Variants in ZNF274 observed in about 807,000 individuals in gnomAD.
ZNF274 encodes the protein neurotrophin receptor-interacting factor homolog.
A neutral mutation model predicts 42.5 loss-of-function variants in ZNF274; 23 were observed. That is an observed-to-expected ratio of 0.54 (90% CI 0.39 to 0.77). The LOEUF (loss-of-function observed/expected upper bound fraction) is 0.77. ZNF274 is among the 30% of genes least tolerant of loss of function. The probability of loss-of-function intolerance (pLI) is 0.00; values close to 1 mark genes in which losing one functional copy is unlikely to be tolerated. For missense variants in ZNF274, 679 were observed against 806.5 expected, an observed-to-expected ratio of 0.84 and a Z score of 1.91; for synonymous variants, 292 against 305.4, an observed-to-expected ratio of 0.96 and a Z score of 0.46.
intron 4 of ZNF274, among the ~76,000 whole-genome samples, chr19:58,205,971 A>G (rs1316297238): frequency 6.6e-6 from 1 of 152,248 alleles, no homozygotes; most frequent in Non-Finnish European, 1.5e-5. Context: ...TGTAAAGTGT[A>G]CAGTTCAGTG....
Position 58,211,785 on chromosome 19 carries a change from C to T in ZNF274, c.979+99C>T. The T allele has an allele frequency of 6.8e-7, 1 of 1,470,770 alleles. No homozygotes were observed. Among genetic ancestry groups the T allele is most frequent in the Non-Finnish European group, 9.1e-7 (1 of 1,100,772 alleles). The allele number at this position is 1,470,770 out of a possible 1,614,324, so 91.1% of individuals were successfully genotyped here. On this transcript the variant is annotated intron_variant, in intron 7 of 7. Coordinates refer to ENST00000617501, the MANE Select transcript of ZNF274 (RefSeq NM_133502.3). The surrounding 1 kb of genome is among the most constrained non-coding windows in gnomAD (Gnocchi z 4.8). The stretch of plus-strand genomic sequence containing the variant: ...TTCTCTAGACTCCACACTGGGCATT[C>T]CCTCAAGGGGCCCTTGCTGCATCCA...
intron 4 of ZNF274, among the ~76,000 whole-genome samples, chr19:58,197,378 T>C (rs1004088043): frequency 2.0e-5 from 3 of 152,172 alleles, no homozygotes; most frequent in African/African-American, 7.2e-5. Context: ...ATAATAAAAA[T>C]GAAATGTCTC....
Position 58,206,848 on chromosome 19 carries a change from C to T in ZNF274, c.385C>T (p.Gln129Ter). The T allele has an allele frequency of 6.2e-7, 1 of 1,613,968 alleles. No homozygotes were observed. Among genetic ancestry groups the T allele is most frequent in the Non-Finnish European group, 8.5e-7 (1 of 1,179,870 alleles). ...GGCTGGTCCCCGGAATGCCCAGATCCAGGCCCTATATGCTGAAGATGGAAG... is the reference window on the plus strand; with the variant it reads ...GGCTGGTCCCCGGAATGCCCAGATCTAGGCCCTATATGCTGAAGATGGAAG... ...EVAGPRNAQI[Q>*]ALYAEDGSLS... Residue 129 changes from glutamine to a stop codon, truncating the protein, a stop_gained, in exon 5 of 8, where the codon CAG becomes TAG. Transcript: ENST00000617501. LOFTEE classifies it high-confidence loss of function.
intron 2 of ZNF274, 185 bp from the exon 3 acceptor site, chr19:58,185,527 T>C: frequency 2.4e-6 from 1 of 408,586 alleles, no homozygotes; most frequent in African/African-American, 2.0e-5. Context: ...GTAACCTGAA[T>C]AGAGTCAAGC....
intron 3 of ZNF274, chr19:58,186,100 T>C (rs1215977316): frequency 1.8e-5 from 4 of 224,610 alleles, no homozygotes; most frequent in Non-Finnish European, 3.5e-5. Flanking sequence ...TGGCTCACTT[T>C]AGGAGACTGA....
intron 4 of ZNF274, among the ~76,000 whole-genome samples, chr19:58,191,802 TCTC>T (rs766367459): frequency 2.0e-5 from 3 of 152,196 alleles, no homozygotes; most frequent in Non-Finnish European, 4.4e-5. Context: ...TCCTTCCTCT[TCTC>T]CTTCTTCCAC....
Position 58,183,344 on chromosome 19 carries a change from G to A in ZNF274, c.-144G>A, listed in dbSNP as rs536504000. ...AGATGGCCGCCGCTGGGTGAGGCAAGCTGGCGCGCCGCGGGGGCGTCTGGG... is the reference window on the plus strand; with the variant it reads ...AGATGGCCGCCGCTGGGTGAGGCAAACTGGCGCGCCGCGGGGGCGTCTGGG... On this transcript the variant is annotated 5_prime_UTR_variant, in exon 1 of 8. Transcript: ENST00000617501. 6.6e-6 allele frequency: 1 copy of A among 152,458 alleles called. No individual in the cohort carries two copies. Among genetic ancestry groups the A allele is most frequent in the African/African-American group, 2.4e-5 (1 of 41,604 alleles). The allele number at this position is 152,458 out of a possible 1,614,324, so 9.4% of individuals were successfully genotyped here.
intron 3 of ZNF274, 88 bp from the exon 4 acceptor site, chr19:58,186,859 G>A (rs1035948016): frequency 9.0e-7 from 1 of 1,115,990 alleles, no homozygotes; most frequent in Non-Finnish European, 1.3e-6. Context: ...TAGCAGGGGA[G>A]AAGCTGGAGA....
chr19:58,187,291 G>T (rs775790149), intron 4 of ZNF274, among the ~76,000 whole-genome samples: 1 of 152,202 alleles, frequency 6.6e-6, no homozygotes, highest in Non-Finnish European at 1.5e-5. Flanking sequence ...TCTGTTACAC[G>T]CATTGTCTAC....
chr19:58,194,513 G>C (rs1321823770), intron 4 of ZNF274, among the ~76,000 whole-genome samples: 2 of 150,410 alleles, frequency 1.3e-5, no homozygotes, highest in South Asian at 4.2e-4. Context: ...TGTGTAGCTG[G>C]GACTACAGGC....
At chr19:58,185,573 C>A in intron 2 of ZNF274, 139 bp from the exon 3 acceptor site, 1 of 901,826 alleles carries the variant, frequency 1.1e-6, no homozygotes, top group Non-Finnish European at 1.5e-6. Flanking sequence ...AAGACAGGAA[C>A]TCAGGATGAG....
intron 4 of ZNF274, 39 bp from the exon 5 acceptor site, chr19:58,206,680 TG>T: frequency 5.3e-6 from 8 of 1,514,010 alleles, no homozygotes; most frequent in Non-Finnish European, 6.2e-6. Flanking sequence ...TCTTTTCATG[TG>T]CTTGTTCTCA....
At chr19:58,186,648 C>A (rs904384238) in intron 3 of ZNF274, among the ~76,000 whole-genome samples, 1 of 151,874 alleles carries the variant, frequency 6.6e-6, no homozygotes, top group Non-Finnish European at 1.5e-5. Flanking sequence ...GTGTTCAAGG[C>A]AGAAACAAGG....
rs10695409 is a variant in ZNF274 at position 58,186,535 on chromosome 19, C to CAAAAAAA, written c.161-401_161-395dup. ...TGGGCAACTGAGCAAGACTCCGTCT[C>CAAAAAAA]AAAAAAAAAAAAAAAAAGCCTGTCC... On this transcript the variant is annotated intron_variant, in intron 3 of 7. Transcript: ENST00000617501. Among the ~76,000 whole-genome samples the CAAAAAAA allele has an allele frequency of 1.1e-4, 11 of 102,188 alleles. 2 individuals are homozygous for CAAAAAAA. The highest frequency in any genetic ancestry group is 3.5e-4 in the South Asian group (1 of 2,828). 67.0% of individuals were successfully genotyped at this position (102,188 alleles called of 152,430 possible). A position where few individuals can be genotyped will look rare whatever the true frequency, so the allele number is the denominator to read the frequency against.
intron 4 of ZNF274, among the ~76,000 whole-genome samples, chr19:58,199,176 G>A (rs1028731873): frequency 9.2e-5 from 14 of 152,058 alleles, no homozygotes; most frequent in South Asian, 8.4e-4. Context: ...GACCAGCCTG[G>A]CAAACATGTC....
At chr19:58,184,226 G>T (rs551949329) in intron 2 of ZNF274, 128 of 558,090 alleles carry the variant, frequency 2.3e-4, no homozygotes, top group Non-Finnish European at 3.6e-4. Flanking sequence ...GCTTCTGAAG[G>T]CCAGGTTAAG....
chr19:58,186,931 C>CT lies in ZNF274; in HGVS notation c.161-12dup, dbSNP rs750230349. ...ACACAGACCCCCACAAGCCCTGTCTCTTTTCCTTTGAGCAGAACATCAGCT... is the reference window on the plus strand; with the variant it reads ...ACACAGACCCCCACAAGCCCTGTCTCTTTTTCCTTTGAGCAGAACATCAGCT... On this transcript the variant is annotated splice_polypyrimidine_tract_variant and intron_variant, in intron 3 of 7. Coordinates refer to ENST00000617501, the MANE Select transcript of ZNF274 (RefSeq NM_133502.3). 4 of 1,611,354 alleles carry CT rather than the reference C, an allele frequency of 2.5e-6. No homozygotes were observed. The African/African-American group carries it at 4.0e-5, about 16-fold the overall frequency.
intron 3 of ZNF274, 91 bp from the exon 4 acceptor site, chr19:58,186,856 G>A (rs1239326109): frequency 9.4e-6 from 10 of 1,069,032 alleles, no homozygotes; most frequent in Non-Finnish European, 1.4e-5. Flanking sequence ...CCTTAGCAGG[G>A]GAGAAGCTGG....
At position 58,212,739 on chromosome 19, in the gene ZNF274, A is replaced by G; in HGVS notation, c.1558A>G (p.Arg520Gly). Reference protein sequence around the residue: ...SECGKIFRNPRYFSVHKKIHT... With the variant: ...SECGKIFRNPGYFSVHKKIHT... ...ATGTGGTAAAATATTCCGGAACCCA[A>G]GATACTTTTCTGTGCATAAGAAAAT... is the stretch of plus-strand genomic sequence containing the variant. Residue 520 changes from arginine to glycine, a missense_variant, in exon 8 of 8, where the codon AGA (arginine) becomes GGA (glycine). Arg to Gly is a moderately radical substitution (Grantham distance 125). Around this residue, in one of 2 missense-constraint regions of ZNF274, gnomAD observed 456 missense variants for 590.1 expected, o/e 0.77. Transcript: ENST00000617501. This position sits in a 1 kb window ranked among gnomAD's most constrained non-coding sequence, Gnocchi z 4.6. 6.2e-7 allele frequency: 1 copy of G among 1,614,008 alleles called. No homozygotes were observed. The highest frequency in any genetic ancestry group is 8.5e-7 in the Non-Finnish European group (1 of 1,179,892).
Sources: gnomAD v4.1 joint callset for allele counts (sites outside exome capture counted in the v4.1 genomes callset) on GRCh38, gnomAD v4.1.1 for gene constraint, gnomAD v4.1.1 regional missense constraint, Gnocchi (gnomAD v3.1) non-coding constraint, MANE v1.5 for transcripts, NCBI Gene and HGNC (gene_info 2026-07-23, HGNC 2026-07-21) for gene names.